GPC5: variants seen among roughly 807,000 people sequenced by gnomAD.
GPC5 encodes glypican 5, also known as glypican-5.
Under a neutral mutation model 53.9 loss-of-function variants are expected in GPC5, and 47 were observed. The observed-to-expected ratio is 0.87, with a 90% CI of 0.69 to 1.11. The LOEUF is 1.11. GPC5 is among the 50% of genes most tolerant of loss of function. The pLI is 0.00. For missense variants in GPC5, 748 were observed against 713.1 expected (o/e 1.05, Z -0.56); for synonymous variants, 286 against 263.3 (o/e 1.09, Z -0.84).
At chr13:92,549,884 T>TACACACACACACACACAC (rs34914341) in intron 7 of GPC5, among the ~76,000 whole-genome samples, 2 of 140,804 alleles carry the variant, frequency 1.4e-5, no homozygotes, top group Non-Finnish European at 3.1e-5. Context: ...AACACACACA[T>TACACACACACACACACAC]ACACACACAC....
intron 2 of GPC5, among the ~76,000 whole-genome samples, chr13:91,685,761 A>G (rs2035608362): frequency 6.6e-6 from 1 of 152,170 alleles, no homozygotes; most frequent in East Asian, 1.9e-4. Flanking sequence ...CTAGATTTGA[A>G]TACACTAAGA....
At chr13:92,528,725 G>C (rs1881449355) in intron 7 of GPC5, among the ~76,000 whole-genome samples, 1 of 151,978 alleles carries the variant, frequency 6.6e-6, no homozygotes, top group Non-Finnish European at 1.5e-5. Flanking sequence ...AAATGTTCAA[G>C]TGTTAAGTGT....
chr13:92,256,167 T>G (rs2042724665), intron 7 of GPC5, among the ~76,000 whole-genome samples: 1 of 151,608 alleles, frequency 6.6e-6, no homozygotes, highest in African/African-American at 2.4e-5. Flanking sequence ...ATATAATATA[T>G]AGAGAGATAT....
At chr13:92,095,019 T>C (rs2041411189) in intron 6 of GPC5, among the ~76,000 whole-genome samples, 1 of 152,200 alleles carries the variant, frequency 6.6e-6, no homozygotes, top group African/African-American at 2.4e-5. Flanking sequence ...CCCAAAATAT[T>C]CTGAATTCAA....
intron 7 of GPC5, among the ~76,000 whole-genome samples, chr13:92,756,453 T>C (rs1308306486): frequency 6.6e-6 from 1 of 151,922 alleles, no homozygotes; most frequent in Non-Finnish European, 1.5e-5. Context: ...CCACTCCTAT[T>C]CAACATAGTG....
At chr13:92,304,764 T>C (rs932340139) in intron 7 of GPC5, among the ~76,000 whole-genome samples, 1 of 152,220 alleles carries the variant, frequency 6.6e-6, no homozygotes, top group African/African-American at 2.4e-5. Flanking sequence ...AGTTTGTATG[T>C]AACTTTGTAC....
chr13:92,142,815 G>A (rs1180977584), intron 6 of GPC5, among the ~76,000 whole-genome samples: 3 of 152,120 alleles, frequency 2.0e-5, no homozygotes, highest in South Asian at 2.1e-4. Flanking sequence ...AAGTTGATAC[G>A]GGAAAATGTT....
intron 6 of GPC5, among the ~76,000 whole-genome samples, chr13:92,069,758 A>G (rs1470488507): frequency 2.0e-5 from 3 of 152,072 alleles, no homozygotes; most frequent in Admixed American, 1.3e-4. Context: ...TTTATCCAGA[A>G]CTGCCAAATC....
At chr13:92,017,878 C>T (rs909120759) in intron 6 of GPC5, among the ~76,000 whole-genome samples, 5 of 151,692 alleles carry the variant, frequency 3.3e-5, no homozygotes, top group Non-Finnish European at 7.4e-5. Context: ...TGCATGAGTA[C>T]CTACACTTCC....
intron 5 of GPC5, among the ~76,000 whole-genome samples, chr13:91,882,662 T>C (rs1370869898): frequency 1.8e-5 from 2 of 108,176 alleles, no homozygotes; most frequent in African/African-American, 7.2e-5. Context: ...TGTTTGTTTG[T>C]TTTTTGGGTT....
At chr13:92,310,354 A>G (rs968932241) in intron 7 of GPC5, among the ~76,000 whole-genome samples, 6 of 152,142 alleles carry the variant, frequency 3.9e-5, no homozygotes, top group Non-Finnish European at 7.4e-5. Flanking sequence ...TGAAAGCAAA[A>G]TTGCTGAATG....
intron 7 of GPC5, among the ~76,000 whole-genome samples, chr13:92,161,365 G>A (rs2041986781): frequency 6.6e-6 from 1 of 152,074 alleles, no homozygotes; most frequent in South Asian, 2.1e-4. Flanking sequence ...CCAAACATGA[G>A]GCATTTAATG....
intron 7 of GPC5, among the ~76,000 whole-genome samples, chr13:92,494,526 A>G (rs1427391432): frequency 6.6e-6 from 1 of 151,992 alleles, no homozygotes; most frequent in African/African-American, 2.4e-5. Flanking sequence ...TTATTTGCAA[A>G]TTTTTCTTTT....
intron 5 of GPC5, among the ~76,000 whole-genome samples, chr13:91,784,404 A>G (rs2037844962): frequency 1.3e-5 from 2 of 152,174 alleles, no homozygotes; most frequent in Non-Finnish European, 2.9e-5. Flanking sequence ...GGATGAATAA[A>G]GCAGGGAAAA....
At chr13:92,381,212 A>G (rs1378357581) in intron 7 of GPC5, among the ~76,000 whole-genome samples, 1 of 152,194 alleles carries the variant, frequency 6.6e-6, no homozygotes, top group African/African-American at 2.4e-5. Flanking sequence ...TACTCATAAC[A>G]AAGTTTCACA....
chr13:91,926,847 G>A (rs2039774157), intron 6 of GPC5, among the ~76,000 whole-genome samples: 1 of 152,188 alleles, frequency 6.6e-6, no homozygotes, highest in African/African-American at 2.4e-5. Flanking sequence ...CATGGACACA[G>A]TACAGTACAA....
intron 2 of GPC5, among the ~76,000 whole-genome samples, chr13:91,649,594 A>G (rs1336566101): frequency 6.6e-6 from 1 of 152,194 alleles, no homozygotes; most frequent in Non-Finnish European, 1.5e-5. Flanking sequence ...CTTGTGACTG[A>G]AAACAGGACT....
intron 7 of GPC5, among the ~76,000 whole-genome samples, chr13:92,674,985 G>A (rs1442314251): frequency 6.6e-6 from 1 of 152,056 alleles, no homozygotes; most frequent in Non-Finnish European, 1.5e-5. Flanking sequence ...CCTAAGGTGA[G>A]TATGCAGTTT....
chr13:92,515,767 T>C (rs904081335), intron 7 of GPC5, among the ~76,000 whole-genome samples: 2 of 152,188 alleles, frequency 1.3e-5, no homozygotes, highest in African/African-American at 4.8e-5. Context: ...TGGTTTTTTG[T>C]GTTCAATATT....
Sources: allele counts gnomAD v4.1 joint callset (sites outside exome capture counted in the v4.1 genomes callset), GRCh38; gene constraint gnomAD v4.1.1; transcripts MANE v1.5; gene names NCBI Gene and HGNC (gene_info 2026-07-23, HGNC 2026-07-21).